Variants in STARD8 observed in about 807,000 individuals in gnomAD.
STARD8 encodes the protein stAR-related lipid transfer protein 8.
STARD8 carries 25 observed loss-of-function variants against 69.4 expected under a neutral mutation model. That is an observed-to-expected ratio of 0.36 (90% CI 0.26 to 0.50). STARD8 has a LOEUF of 0.50. Ranked by LOEUF, STARD8 falls within the 20% of genes least tolerant of loss-of-function variation. The pLI, the probability that STARD8 is intolerant of heterozygous loss-of-function variation, is 0.96. For synonymous variants in STARD8, 389 were observed against 374.6 expected, an observed-to-expected ratio of 1.04 and a Z score of -0.45; for missense variants, 921 against 932.5, an observed-to-expected ratio of 0.99 and a Z score of 0.16.
intron 2 of STARD8, among the ~76,000 whole-genome samples, chrX:68,685,219 T>C (rs929064081): frequency 4.5e-5 from 5 of 112,048 alleles, no homozygotes; most frequent in Non-Finnish European, 7.5e-5. Flanking sequence ...ACATTCATTA[T>C]TCCCATCGTG....
At position 68,679,016 on chromosome X, in the gene STARD8, C is replaced by T. The variant is rs146389244; in HGVS notation, c.79+13484C>T. ...TACAACCTTTGAACAATGCCTGGCA[C>T]ATAGTCGGTGCTCAATAAATGGCGA... On this transcript the variant is annotated intron_variant, in intron 2 of 14. Transcript: ENST00000374599. Among the ~76,000 whole-genome samples, 571 of 111,850 alleles carry T rather than the reference C, an allele frequency of 5.1e-3. 5 individuals are homozygous for T. Among genetic ancestry groups the T allele is most frequent in the African/African-American group, 0.018 (544 of 30,763 alleles).
At chrX:68,663,680 C>T (rs1410737874) in intron 1 of STARD8, among the ~76,000 whole-genome samples, 1 of 111,343 alleles carries the variant, frequency 9.0e-6, no homozygotes, top group African/African-American at 3.3e-5. Flanking sequence ...TAAGACCTCA[C>T]AGGGGCCTGC....
At chrX:68,687,744 C>G (rs1451275638) in intron 2 of STARD8, among the ~76,000 whole-genome samples, 1 of 112,205 alleles carries the variant, frequency 8.9e-6, no homozygotes, top group Non-Finnish European at 1.9e-5. Context: ...ACCCAGGAGC[C>G]TTGGGTGTTG....
At chrX:68,689,792 G>A (rs781122391) in intron 2 of STARD8, among the ~76,000 whole-genome samples, 1 of 111,228 alleles carries the variant, frequency 9.0e-6, no homozygotes, top group East Asian at 2.9e-4. Context: ...TAGGCTGTGG[G>A]CTGAGAGGGG....
At chrX:68,663,378 AC>A (rs1420355219) in intron 1 of STARD8, among the ~76,000 whole-genome samples, 1 of 111,862 alleles carries the variant, frequency 8.9e-6, no homozygotes, top group Non-Finnish European at 1.9e-5. Flanking sequence ...ATTTACCTTG[AC>A]CTTGAGCAAA....
intron 2 of STARD8, 49 bp downstream of exon 2, chrX:68,665,581 T>A: frequency 8.6e-7 from 1 of 1,164,023 alleles, no homozygotes; most frequent in Non-Finnish European, 1.2e-6. Context: ...GAGACTGAGC[T>A]TCTCAGTAGT....
chrX:68,715,311 G>T lies in STARD8; in HGVS notation c.169G>T (p.Asp57Tyr). Residue 57 changes from aspartate (D) to tyrosine (Y), a missense_variant, in exon 4 of 15, where the codon GAT (aspartate) becomes TAT (tyrosine). Asp to Tyr is a radical substitution (Grantham distance 160). Coordinates refer to ENST00000374599, the MANE Select transcript of STARD8 (RefSeq NM_001142503.3). ...QLFEEGSFPLDIGSVKKNHGF... is the reference protein window; with the variant it reads ...QLFEEGSFPLYIGSVKKNHGF... ...CCATACAGAAGGTTCGTTTCCCCTG[G>T]ATATTGGCTCTGTGAAGAAAAACCA... The T allele has an allele frequency of 8.3e-7, 1 of 1,208,238 alleles. No homozygotes were observed. The highest frequency in any genetic ancestry group is 1.1e-6 in the Non-Finnish European group (1 of 893,789).
intron 2 of STARD8, among the ~76,000 whole-genome samples, chrX:68,674,509 C>T (rs1227492367): frequency 9.0e-6 from 1 of 110,529 alleles, no homozygotes; most frequent in Non-Finnish European, 1.9e-5. Flanking sequence ...GTAGAAACGT[C>T]TCATTTTTCT....
chrX:68,718,094 C>T lies in STARD8; in HGVS notation c.1180C>T (p.His394Tyr). The T allele has an allele frequency of 2.5e-6, 3 of 1,211,579 alleles. No homozygotes were observed. Among genetic ancestry groups the T allele is most frequent in the Non-Finnish European group, 3.4e-6 (3 of 895,408 alleles). ...SYAHLDDILQHVWGLQQRVEL... is the reference protein window; with the variant it reads ...SYAHLDDILQYVWGLQQRVEL... ...TGCTCACCTAGACGACATCCTCCAGCACGTGTGGGGGCTACAGCAACGAGT... is the reference window on the plus strand; with the variant it reads ...TGCTCACCTAGACGACATCCTCCAGTACGTGTGGGGGCTACAGCAACGAGT... Residue 394 changes from histidine to tyrosine, a missense_variant, in exon 6 of 15, where the codon CAC (histidine) becomes TAC (tyrosine). His to Tyr is a moderately conservative substitution (Grantham distance 83). Transcript: ENST00000374599.
In STARD8 at chrX:68,682,896, T is replaced by C. The variant is rs1022558944; in HGVS notation, c.79+17364T>C. ...AGTGTGGACTTGTCCCTGTAGGTGATGGGCAACCATTTCTAAAGCTAGATC... is the reference window on the plus strand; with the variant it reads ...AGTGTGGACTTGTCCCTGTAGGTGACGGGCAACCATTTCTAAAGCTAGATC... On this transcript the variant is annotated intron_variant, in intron 2 of 14. Transcript: ENST00000374599. 3.6e-5 allele frequency among the ~76,000 whole-genome samples: 4 copies of C among 112,131 alleles called. No individual in the cohort carries two copies. In the Admixed American group the frequency reaches 3.8e-4, roughly 11 times the overall value.
Position 68,647,797 on chromosome X carries a change from G to T in STARD8, c.-86G>T. ...ACCGGGCTGGCTCTCGCCGAGCCCCGGGCCTCTTTTAGCCTCGTCCCCAGA... is the reference window on the plus strand; with the variant it reads ...ACCGGGCTGGCTCTCGCCGAGCCCCTGGCCTCTTTTAGCCTCGTCCCCAGA... On this transcript the variant is annotated 5_prime_UTR_variant, in exon 1 of 15. Coordinates refer to ENST00000374599, the MANE Select transcript of STARD8 (RefSeq NM_001142503.3). 2.7e-6 allele frequency: 3 copies of T among 1,113,574 alleles called. No individual in the cohort carries two copies. In the South Asian group the frequency reaches 6.0e-5, roughly 22 times the overall value. The allele number at this position is 1,113,574 out of a possible 1,213,427, so 91.8% of individuals were successfully genotyped here.
chrX:68,693,898 G>C (rs956314604), intron 2 of STARD8: 26 of 687,725 alleles, frequency 3.8e-5, no homozygotes, highest in Non-Finnish European at 4.3e-5. Flanking sequence ...TCCCCGCTTT[G>C]CCTCTCTGGC....
chrX:68,670,961 C>A (rs1210511137), intron 2 of STARD8, among the ~76,000 whole-genome samples: 2 of 111,518 alleles, frequency 1.8e-5, no homozygotes, highest in Admixed American at 9.5e-5. Context: ...TCCATCTGGG[C>A]CCTAGCAGCT....
At chrX:68,661,104 C>CAGGCA (rs1471286097) in intron 1 of STARD8, among the ~76,000 whole-genome samples, 2 of 111,455 alleles carry the variant, frequency 1.8e-5, no homozygotes, top group Non-Finnish European at 3.8e-5. Flanking sequence ...GCAGAGAAAC[C>CAGGCA]AGGCAAGGCA....
chrX:68,675,020 G>C (rs1408200162), intron 2 of STARD8, among the ~76,000 whole-genome samples: 1 of 104,720 alleles, frequency 9.5e-6, no homozygotes, highest in African/African-American at 3.5e-5. Flanking sequence ...GCAATGATGA[G>C]ATCTCGGCTC....
At chrX:68,701,945 G>A (rs1024784172) in intron 2 of STARD8, among the ~76,000 whole-genome samples, 3 of 111,916 alleles carry the variant, frequency 2.7e-5, no homozygotes, top group Non-Finnish European at 5.6e-5. Context: ...TTGTCCAGAA[G>A]CTGTAGCCCT....
intron 2 of STARD8, among the ~76,000 whole-genome samples, chrX:68,677,402 T>C (rs1435366789): frequency 1.8e-5 from 2 of 111,898 alleles, no homozygotes; most frequent in African/African-American, 6.5e-5. Context: ...TTTATCTCCA[T>C]GCTTGTCACT....
intron 4 of STARD8, among the ~76,000 whole-genome samples, chrX:68,715,856 T>C (rs10521341): frequency 0.08 from 8,947 of 111,968 alleles, 848 homozygotes; most frequent in African/African-American, 0.27. Context: ...AATGTGTCAC[T>C]GCCTAAGGAT....
intron 1 of STARD8, among the ~76,000 whole-genome samples, chrX:68,662,643 T>C (rs1378785292): frequency 9.0e-6 from 1 of 111,577 alleles, no homozygotes; most frequent in East Asian, 2.8e-4. Context: ...CTCATCCTTT[T>C]CTATTCTCTC....
Sources: allele counts gnomAD v4.1 joint callset (sites outside exome capture counted in the v4.1 genomes callset), GRCh38; gene constraint gnomAD v4.1.1; transcripts MANE v1.5; gene names NCBI Gene and HGNC (gene_info 2026-07-23, HGNC 2026-07-21).